Variants in SMG7 observed in about 807,000 individuals in gnomAD.
SMG7 encodes the protein nonsense-mediated mRNA decay factor SMG7.
SMG7 carries 34 observed loss-of-function variants against 148.2 expected under a neutral mutation model. The ratio of observed to expected loss-of-function variants is 0.23; its 90% confidence interval spans 0.17 to 0.31. The LOEUF (loss-of-function observed/expected upper bound fraction) is 0.31. Among genes scored for constraint, SMG7 ranks in the 10% least tolerant of loss-of-function variants. The pLI, the probability that SMG7 is intolerant of heterozygous loss-of-function variation, is 1.00. For missense variants in SMG7, 1,114 were observed against 1,408.4 expected (o/e 0.79, Z 3.35); for synonymous variants, 492 against 515.1 (o/e 0.96, Z 0.61).
At chr1:183,490,826 C>T (rs1339288026) in intron 1 of SMG7, among the ~76,000 whole-genome samples, 2 of 152,154 alleles carry the variant, frequency 1.3e-5, no homozygotes, top group African/African-American at 4.8e-5. Context: ...CACTCTGTCG[C>T]CCAGGTTGGA....
chr1:183,512,974 G>C (rs529317250), intron 2 of SMG7, 106 bp downstream of exon 2: 6 of 990,598 alleles, frequency 6.1e-6, no homozygotes, highest in Non-Finnish European at 8.9e-6. Flanking sequence ...CATCTTAGTT[G>C]CCAAAAGGGA....
Position 183,552,089 on chromosome 1 carries a change from A to T in SMG7, c.*158A>T. On this transcript the variant is annotated 3_prime_UTR_variant, in exon 23 of 23. Transcript: ENST00000688051. Reference sequence around the variant, plus strand: ...CCACCAGCCCGCTGAGTGTGCACGAAATGTTCGCAGTGCAACAAAAAGAAA... The same window carrying T: ...CCACCAGCCCGCTGAGTGTGCACGATATGTTCGCAGTGCAACAAAAAGAAA... 3.8e-6 allele frequency: 5 copies of T among 1,319,886 alleles called. No individual in the cohort carries two copies. The highest frequency in any genetic ancestry group is 4.9e-6 in the Non-Finnish European group (5 of 1,023,308). 81.8% of individuals were successfully genotyped at this position (1,319,886 alleles called of 1,614,324 possible). A position where few individuals can be genotyped will look rare whatever the true frequency, so the allele number is the denominator to read the frequency against.
At chr1:183,550,074 G>GAA in intron 20 of SMG7, 151 bp downstream of exon 20, 57 of 446,188 alleles carry the variant, frequency 1.3e-4, no homozygotes, top group Middle Eastern at 6.7e-4. Context: ...AAAGGAAATA[G>GAA]AAAAAAAAAA....
At position 183,515,980 on chromosome 1, in the gene SMG7, A is replaced by G. The variant is rs1257673423; in HGVS notation, c.168A>G (p.Val56=). The change falls in exon 3 of 23, where the codon GTA becomes GTG. Residue 56 remains valine, a synonymous_variant. Transcript: ENST00000688051. ...TDLEYALDKK[V]EQDLWNHAFK... The stretch of plus-strand genomic sequence containing the variant: ...TGGAATACGCTTTAGACAAGAAAGT[A>G]GAACAGGATCTGTAAGTATTACCTA... The G allele has an allele frequency of 6.2e-7, 1 of 1,602,302 alleles. No individual in the cohort carries two copies. Among genetic ancestry groups the G allele is most frequent in the African/African-American group, 1.3e-5 (1 of 74,688 alleles).
intron 1 of SMG7, among the ~76,000 whole-genome samples, chr1:183,503,932 A>G (rs1437944580): frequency 2.0e-5 from 3 of 152,164 alleles, no homozygotes; most frequent in African/African-American, 7.2e-5. Flanking sequence ...ATTATTTTCC[A>G]TTACATAAAA....
intron 7 of SMG7, 54 bp downstream of exon 7, chr1:183,529,096 G>A: frequency 6.7e-7 from 1 of 1,503,580 alleles, no homozygotes; most frequent in Non-Finnish European, 9.0e-7. Context: ...GTAACCTGGA[G>A]CCTTAATTCC....
intron 4 of SMG7, among the ~76,000 whole-genome samples, chr1:183,523,177 A>C (rs1193344732): frequency 6.6e-6 from 1 of 152,218 alleles, no homozygotes; most frequent in Admixed American, 6.5e-5. Context: ...GAGTTTCTGT[A>C]TTAGTTTAAA....
chr1:183,483,940 G>A (rs755004698), intron 1 of SMG7, among the ~76,000 whole-genome samples: 47 of 152,212 alleles, frequency 3.1e-4, no homozygotes, highest in Middle Eastern at 3.4e-3. Flanking sequence ...ACAGCGGCAC[G>A]GCATAGCAAG....
intron 8 of SMG7, among the ~76,000 whole-genome samples, chr1:183,531,669 C>G (rs1252645657): frequency 6.6e-6 from 1 of 152,082 alleles, no homozygotes; most frequent in East Asian, 1.9e-4. Flanking sequence ...ATTAATACTT[C>G]TGTGCATACG....
intron 4 of SMG7, among the ~76,000 whole-genome samples, chr1:183,518,190 C>T (rs1270248520): frequency 1.3e-5 from 2 of 151,956 alleles, no homozygotes; most frequent in South Asian, 2.1e-4. Flanking sequence ...TCAAGTGATC[C>T]GCCCACCTCA....
chr1:183,532,869 A>G (rs1194228272), intron 8 of SMG7, among the ~76,000 whole-genome samples: 2 of 152,234 alleles, frequency 1.3e-5, no homozygotes, highest in African/African-American at 4.8e-5. Flanking sequence ...ATGAACACTC[A>G]AAGACTTTTG....
At chr1:183,491,976 T>G (rs1657159017) in intron 1 of SMG7, among the ~76,000 whole-genome samples, 1 of 152,206 alleles carries the variant, frequency 6.6e-6, no homozygotes, top group Non-Finnish European at 1.5e-5. Flanking sequence ...TCCAGCCCTT[T>G]CGTATGGCAC....
intron 2 of SMG7, among the ~76,000 whole-genome samples, chr1:183,514,024 C>T (rs1489714922): frequency 1.5e-5 from 2 of 129,374 alleles, no homozygotes; most frequent in African/African-American, 3.0e-5. Context: ...AAAAAGACTC[C>T]GTCTCAAAAA....
Position 183,553,017 on chromosome 1 carries a change from A to G in SMG7, c.*1086A>G. ...GTCCAGCAGTTGGGGCCCAAAAGAC[A>G]GTCTGAAGAGGAAGGAAGCAGCAGT... On this transcript the variant is annotated 3_prime_UTR_variant, in exon 23 of 23. Coordinates refer to ENST00000688051, the MANE Select transcript of SMG7 (RefSeq NM_001375584.1). The G allele has an allele frequency of 1.3e-6, 2 of 1,536,346 alleles. No homozygotes were observed. Among genetic ancestry groups the G allele is most frequent in the East Asian group, 2.4e-5 (1 of 40,916 alleles).
At chr1:183,551,309 T>C in intron 22 of SMG7, 119 bp downstream of exon 22, 3 of 911,692 alleles carry the variant, frequency 3.3e-6, no homozygotes, top group South Asian at 4.2e-5. Context: ...ATAGCACATA[T>C]ATAACAAAGT....
At chr1:183,524,110 G>A (rs896335645) in intron 4 of SMG7, among the ~76,000 whole-genome samples, 1 of 151,490 alleles carries the variant, frequency 6.6e-6, no homozygotes, top group South Asian at 2.1e-4. Flanking sequence ...TTAAGACGGG[G>A]TCTCTCTCTG....
Position 183,552,222 on chromosome 1 carries a change from A to T in SMG7, c.*291A>T. The stretch of plus-strand genomic sequence containing the variant: ...GGTATCACCGCCTCTCACCTTCTCC[A>T]TCGTGCATGTCCCCAGCCACATGGG... On this transcript the variant is annotated 3_prime_UTR_variant, in exon 23 of 23. Transcript: ENST00000688051. The T allele has an allele frequency of 9.4e-7, 1 of 1,063,692 alleles. No homozygotes were observed. Among genetic ancestry groups the T allele is most frequent in the Non-Finnish European group, 1.1e-6 (1 of 879,728 alleles). 65.9% of individuals were successfully genotyped at this position (1,063,692 alleles called of 1,614,324 possible).
intron 11 of SMG7, 47 bp downstream of exon 11, chr1:183,537,262 T>A: frequency 7.5e-7 from 1 of 1,338,444 alleles, no homozygotes; most frequent in African/African-American, 1.4e-5. Flanking sequence ...TCTCCATCAT[T>A]AATGGTGGCT....
At chr1:183,487,986 A>T (rs921577257) in intron 1 of SMG7, among the ~76,000 whole-genome samples, 1 of 152,222 alleles carries the variant, frequency 6.6e-6, no homozygotes, top group African/African-American at 2.4e-5. Context: ...ACACAGATGG[A>T]TGAGATACAT....
Sources: allele counts gnomAD v4.1 joint callset (sites outside exome capture counted in the v4.1 genomes callset), GRCh38; gene constraint gnomAD v4.1.1; transcripts MANE v1.5; gene names NCBI Gene and HGNC (gene_info 2026-07-23, HGNC 2026-07-21).